SGCZ: variants seen among roughly 807,000 people sequenced by gnomAD.
SGCZ encodes the protein sarcoglycan zeta, also known as zeta-sarcoglycan.
Under a neutral mutation model 41.3 loss-of-function variants are expected in SGCZ, and 40 were observed. That is an observed-to-expected ratio of 0.97 (90% confidence interval 0.75 to 1.26). SGCZ has a LOEUF of 1.26. SGCZ is among the 50% of genes most tolerant of loss of function. The probability of loss-of-function intolerance (pLI) is 0.00; values close to 1 mark genes in which losing one functional copy is unlikely to be tolerated. For synonymous variants in SGCZ, 206 were observed against 137.5 expected (o/e 1.50, Z -3.49); for missense variants, 552 against 369.8 (o/e 1.49, Z -4.04).
At chr8:14,629,399 A>G (rs1320110002) in intron 1 of SGCZ, among the ~76,000 whole-genome samples, 4 of 152,156 alleles carry the variant, frequency 2.6e-5, no homozygotes, top group Non-Finnish European at 5.9e-5. Flanking sequence ...TAATGAATAC[A>G]ATTACTGAAA....
chr8:14,433,579 G>A (rs973463794), intron 2 of SGCZ, among the ~76,000 whole-genome samples: 3 of 151,978 alleles, frequency 2.0e-5, no homozygotes, highest in African/African-American at 4.8e-5. Flanking sequence ...CTGCCATTAT[G>A]ATCTTCCATC....
intron 3 of SGCZ, among the ~76,000 whole-genome samples, chr8:14,294,411 A>G (rs2116953898): frequency 6.6e-6 from 1 of 152,042 alleles, no homozygotes; most frequent in East Asian, 1.9e-4. Flanking sequence ...CTAAGGAAAG[A>G]AAGGTACCTC....
chr8:14,108,185 C>T lies in SGCZ; in HGVS notation c.598G>A (p.Ala200Thr). Residue 200 changes from alanine to threonine, a missense_variant, in exon 6 of 8, where the codon GCA becomes ACA. Ala to Thr is a moderately conservative substitution (Grantham distance 58, BLOSUM62 0). Transcript: ENST00000382080. ...TACCTGAGATCTTGGGATGGCTCTG[C>T]TCTGATGTGCGGCGTCTCCACAGAG... is the stretch of plus-strand genomic sequence containing the variant. ...GHSVETPHIR[A>T]EPSQDLRLES... 6.2e-7 allele frequency: 1 copy of T among 1,614,082 alleles called. No homozygotes were observed. Among genetic ancestry groups the T allele is most frequent in the African/African-American group, 1.3e-5 (1 of 75,014 alleles).
intron 1 of SGCZ, among the ~76,000 whole-genome samples, chr8:14,611,407 G>A (rs979052099): frequency 5.3e-5 from 8 of 152,066 alleles, no homozygotes; most frequent in East Asian, 1.9e-4. Context: ...AGAGATTATG[G>A]CTTTCTAAAA....
chr8:14,918,906 A>T (rs1368778996), intron 1 of SGCZ, among the ~76,000 whole-genome samples: 1 of 152,192 alleles, frequency 6.6e-6, no homozygotes, highest in Non-Finnish European at 1.5e-5. Context: ...AAATATCATC[A>T]ATCGGTCTGA....
intron 1 of SGCZ, among the ~76,000 whole-genome samples, chr8:15,225,819 G>C (rs561294125): frequency 6.6e-6 from 1 of 152,106 alleles, no homozygotes; most frequent in Non-Finnish European, 1.5e-5. Context: ...ATCATGAACA[G>C]GTCTTGCCTC....
At chr8:14,448,189 G>C (rs1551811) in intron 2 of SGCZ, among the ~76,000 whole-genome samples, 58,584 of 152,026 alleles carry the variant, frequency 0.39, 12,110 homozygotes, top group African/African-American at 0.55. Context: ...GCTACTAAAA[G>C]AGAGATTCAA....
intron 1 of SGCZ, among the ~76,000 whole-genome samples, chr8:14,634,505 A>C (rs1291468642): frequency 6.6e-6 from 1 of 151,934 alleles, no homozygotes; most frequent in African/African-American, 2.4e-5. Context: ...AAATACTAAA[A>C]TAAAAATCTT....
chr8:14,370,586 G>A (rs1803875537), intron 2 of SGCZ, among the ~76,000 whole-genome samples: 1 of 151,708 alleles, frequency 6.6e-6, no homozygotes, highest in South Asian at 2.1e-4. Context: ...CAGCACTAGT[G>A]TTAAGTATTT....
intron 7 of SGCZ, among the ~76,000 whole-genome samples, chr8:14,093,735 G>C (rs1351649114): frequency 6.6e-6 from 1 of 151,938 alleles, no homozygotes; most frequent in African/African-American, 2.4e-5. Flanking sequence ...ATATATTTTA[G>C]GTCAATTTGG....
chr8:14,991,451 A>C (rs1014481496), intron 1 of SGCZ, among the ~76,000 whole-genome samples: 5 of 152,166 alleles, frequency 3.3e-5, no homozygotes, highest in African/African-American at 1.2e-4. Context: ...GGATAAAGAC[A>C]CTGCATATAC....
intron 1 of SGCZ, among the ~76,000 whole-genome samples, chr8:14,604,406 A>G (rs997731917): frequency 3.3e-5 from 5 of 150,220 alleles, no homozygotes; most frequent in Middle Eastern, 3.4e-3. Flanking sequence ...ATGGGGTGAC[A>G]ATCTATAAGC....
At chr8:14,835,795 AG>A (rs1802682620) in intron 1 of SGCZ, among the ~76,000 whole-genome samples, 2 of 152,208 alleles carry the variant, frequency 1.3e-5, no homozygotes, top group African/African-American at 4.8e-5. Context: ...TCAATTCAAC[AG>A]GGGATTTCTT....
chr8:15,073,397 A>G (rs1264539552), intron 1 of SGCZ, among the ~76,000 whole-genome samples: 2 of 152,188 alleles, frequency 1.3e-5, no homozygotes, highest in East Asian at 3.9e-4. Context: ...CACATCACTC[A>G]CAAATCCTGA....
At chr8:14,965,873 A>C (rs1801112530) in intron 1 of SGCZ, among the ~76,000 whole-genome samples, 1 of 152,106 alleles carries the variant, frequency 6.6e-6, no homozygotes, top group South Asian at 2.1e-4. Context: ...ATTGTATTAA[A>C]ATTTGGAATT....
At chr8:14,324,032 C>A (rs142194204) in intron 3 of SGCZ, 71 bp downstream of exon 3, 7 of 1,001,428 alleles carry the variant, frequency 7.0e-6, no homozygotes, top group Admixed American at 2.0e-5. Context: ...GGGGATTCTA[C>A]CCTGCTATTT....
intron 1 of SGCZ, among the ~76,000 whole-genome samples, chr8:14,965,629 T>A (rs1801106344): frequency 1.3e-5 from 2 of 152,124 alleles, no homozygotes; most frequent in African/African-American, 4.8e-5. Context: ...ATTACAGTCT[T>A]AATCAAGATA....
At chr8:15,200,796 C>G (rs968643876) in intron 1 of SGCZ, among the ~76,000 whole-genome samples, 1 of 152,116 alleles carries the variant, frequency 6.6e-6, no homozygotes, top group East Asian at 1.9e-4. Flanking sequence ...GACACAAACC[C>G]ACGTCTGCCT....
intron 1 of SGCZ, among the ~76,000 whole-genome samples, chr8:15,093,251 A>T (rs2131066248): frequency 6.6e-6 from 1 of 152,342 alleles, no homozygotes; most frequent in Admixed American, 6.5e-5. Context: ...TGAAAGTCAC[A>T]AATACACACA....
Sources: gnomAD v4.1 joint callset for allele counts (sites outside exome capture counted in the v4.1 genomes callset) on GRCh38, gnomAD v4.1.1 for gene constraint, MANE v1.5 for transcripts, NCBI Gene and HGNC (gene_info 2026-07-23, HGNC 2026-07-21) for gene names.